Variants in CLRN1 observed in about 807,000 individuals in gnomAD.
CLRN1 encodes clarin-1.
Under a neutral mutation model 18.7 loss-of-function variants are expected in CLRN1, and 15 were observed. The observed-to-expected ratio is 0.80, with a 90% CI of 0.54 to 1.23. The LOEUF (loss-of-function observed/expected upper bound fraction) is 1.23. Ranked by LOEUF, CLRN1 falls within the 50% of genes most tolerant of loss-of-function variation. The pLI is 0.00. For missense variants in CLRN1, 311 were observed against 277.5 expected (o/e 1.12, Z -0.86); for synonymous variants, 104 against 102.9 (o/e 1.01, Z -0.07).
intron 1 of CLRN1, among the ~76,000 whole-genome samples, chr3:150,967,745 G>A (rs1046513711): frequency 1.3e-5 from 2 of 152,184 alleles, no homozygotes; most frequent in African/African-American, 4.8e-5. Flanking sequence ...GGGCAGGTCA[G>A]GTCAGCAAGA....
At chr3:150,956,514 C>T (rs533519144) in intron 1 of CLRN1, among the ~76,000 whole-genome samples, 1 of 151,928 alleles carries the variant, frequency 6.6e-6, no homozygotes, top group African/African-American at 2.4e-5. Context: ...AGAGAGAAAG[C>T]GAAAAAGGAA....
chr3:150,950,572 T>G (rs1371566550), intron 1 of CLRN1, among the ~76,000 whole-genome samples: 1 of 152,152 alleles, frequency 6.6e-6, no homozygotes, highest in African/African-American at 2.4e-5. Flanking sequence ...TCACTGATCA[T>G]TAGAGAAATG....
At chr3:150,954,829 A>C (rs1408691028) in intron 1 of CLRN1, among the ~76,000 whole-genome samples, 1 of 152,210 alleles carries the variant, frequency 6.6e-6, no homozygotes, top group East Asian at 1.9e-4. Context: ...TTTTGCATAT[A>C]GATATCCAAT....
intron 2 of CLRN1, among the ~76,000 whole-genome samples, chr3:150,935,557 A>G (rs377149992): frequency 9.4e-5 from 14 of 149,002 alleles, no homozygotes; most frequent in Middle Eastern, 3.4e-3. Flanking sequence ...TTGGACATTT[A>G]GGTTGGTTCC....
At chr3:150,949,222 G>C (rs1388266843) in intron 1 of CLRN1, among the ~76,000 whole-genome samples, 1 of 152,074 alleles carries the variant, frequency 6.6e-6, no homozygotes, top group Admixed American at 6.6e-5. Flanking sequence ...AATAATAATA[G>C]CCATATATGA....
rs551797170 is a variant in CLRN1 at position 150,948,471 on chromosome 3, G to A, written c.254-6710C>T. ...TGCACTCCAGCCTGGGCGACAGAGCGAGACTCCGTCTCAAAAAAAAAAAAA... is the reference window on the plus strand; with the variant it reads ...TGCACTCCAGCCTGGGCGACAGAGCAAGACTCCGTCTCAAAAAAAAAAAAA... On this transcript the variant is annotated intron_variant, in intron 1 of 2. Transcript: ENST00000327047. Among the ~76,000 whole-genome samples the A allele has an allele frequency of 1.2e-3, 137 of 117,084 alleles. 1 individual carries two copies. Among genetic ancestry groups the A allele is most frequent in the African/African-American group, 4.5e-3 (130 of 28,898 alleles). 76.8% of individuals were successfully genotyped at this position (117,084 alleles called of 152,430 possible).
chr3:150,962,565 T>C (rs537412476), intron 1 of CLRN1, among the ~76,000 whole-genome samples: 1 of 152,342 alleles, frequency 6.6e-6, no homozygotes, highest in East Asian at 1.9e-4. Flanking sequence ...CCTGCTTTTC[T>C]TTTGGTCCTT....
At chr3:150,969,472 G>A (rs562358787) in intron 1 of CLRN1, among the ~76,000 whole-genome samples, 135 of 150,232 alleles carry the variant, frequency 9.0e-4, no homozygotes, top group African/African-American at 3.1e-3. Flanking sequence ...GACTACAGGC[G>A]CCCCCGCCAC....
chr3:150,954,197 T>C (rs1714628361), intron 1 of CLRN1, among the ~76,000 whole-genome samples: 1 of 152,192 alleles, frequency 6.6e-6, no homozygotes. Context: ...TATGTGTAAC[T>C]ATAAGAAGCT....
chr3:150,934,525 A>G (rs928162571), intron 2 of CLRN1, among the ~76,000 whole-genome samples: 3 of 152,200 alleles, frequency 2.0e-5, no homozygotes, highest in Non-Finnish European at 4.4e-5. Context: ...ATCACCTCCA[A>G]AAGGCCTGAA....
At chr3:150,970,748 A>G (rs1715492274) in intron 1 of CLRN1, among the ~76,000 whole-genome samples, 1 of 152,126 alleles carries the variant, frequency 6.6e-6, no homozygotes, top group South Asian at 2.1e-4. Flanking sequence ...AAGTGAGGGT[A>G]CTGTTTAAAC....
chr3:150,945,778 G>A, intron 1 of CLRN1: 1 of 627,260 alleles, frequency 1.6e-6, no homozygotes, highest in Non-Finnish European at 2.3e-6. Flanking sequence ...TCCTGTGTTA[G>A]CTAGGGTATG....
chr3:150,949,171 A>T (rs1714345773), intron 1 of CLRN1, among the ~76,000 whole-genome samples: 1 of 152,212 alleles, frequency 6.6e-6, no homozygotes, highest in Non-Finnish European at 1.5e-5. Flanking sequence ...CTTCATGTTA[A>T]AAACTGTCAA....
In CLRN1 at chr3:150,927,860, A is replaced by G. The variant is rs1576623148; in HGVS notation, c.*76T>C. The G allele has an allele frequency of 6.5e-7, 1 of 1,531,686 alleles. No homozygotes were observed. Among genetic ancestry groups the G allele is most frequent in the Non-Finnish European group, 9.0e-7 (1 of 1,107,010 alleles). The allele number at this position is 1,531,686 out of a possible 1,614,324, so 94.9% of individuals were successfully genotyped here. On this transcript the variant is annotated 3_prime_UTR_variant, in exon 3 of 3. Coordinates refer to ENST00000327047, the MANE Select transcript of CLRN1 (RefSeq NM_174878.3). Reference sequence around the variant, plus strand: ...GCTTTAATATATGCAGACTAAAAGGATATGCAAAATTAACCACATCTAAAA... The same window carrying G: ...GCTTTAATATATGCAGACTAAAAGGGTATGCAAAATTAACCACATCTAAAA...
At chr3:150,933,771 C>A (rs1208799555) in intron 2 of CLRN1, among the ~76,000 whole-genome samples, 1 of 152,186 alleles carries the variant, frequency 6.6e-6, no homozygotes, top group Non-Finnish European at 1.5e-5. Context: ...ATAAATGAAA[C>A]ACAGTCCTCC....
intron 1 of CLRN1, among the ~76,000 whole-genome samples, chr3:150,967,756 G>A (rs999446396): frequency 3.3e-5 from 5 of 152,194 alleles, no homozygotes; most frequent in African/African-American, 1.2e-4. Flanking sequence ...GTCAGCAAGA[G>A]ACAAGAGTCA....
chr3:150,949,131 A>G (rs979804582), intron 1 of CLRN1, among the ~76,000 whole-genome samples: 22 of 152,358 alleles, frequency 1.4e-4, no homozygotes, highest in Non-Finnish European at 2.8e-4. Context: ...CAACAGAGGC[A>G]GAAAAGACTT....
intron 2 of CLRN1, among the ~76,000 whole-genome samples, chr3:150,931,494 T>C (rs1300822210): frequency 1.3e-5 from 2 of 152,182 alleles, no homozygotes; most frequent in African/African-American, 2.4e-5. Context: ...GACCCCGGAA[T>C]TGACTTCGTA....
chr3:150,945,618 A>C (rs1289680565), intron 1 of CLRN1: 1 of 1,286,800 alleles, frequency 7.8e-7, no homozygotes, highest in Non-Finnish European at 1.0e-6. Context: ...CAGTGTCCTC[A>C]CTCAGGAGTC....
Sources: gnomAD v4.1 joint callset for allele counts (sites outside exome capture counted in the v4.1 genomes callset) on GRCh38, gnomAD v4.1.1 for gene constraint, MANE v1.5 for transcripts, NCBI Gene and HGNC (gene_info 2026-07-23, HGNC 2026-07-21) for gene names.